COP1: variants seen among roughly 807,000 people sequenced by gnomAD.
COP1 encodes the protein COP1 E3 ubiquitin ligase.
Under a neutral mutation model 101.3 loss-of-function variants are expected in COP1, and 24 were observed. The observed-to-expected ratio is 0.24, with a 90% CI of 0.17 to 0.33. The LOEUF (loss-of-function observed/expected upper bound fraction) is 0.33. COP1 is among the 10% of genes least tolerant of loss of function. The pLI is 1.00. For missense variants in COP1, 663 were observed against 906.2 expected (o/e 0.73, Z 3.45); for synonymous variants, 347 against 341.9 (o/e 1.01, Z -0.17).
intron 2 of COP1, among the ~76,000 whole-genome samples, chr1:176,178,985 G>A (rs1697359100): frequency 6.8e-6 from 1 of 146,636 alleles, no homozygotes; most frequent in Admixed American, 6.8e-5. Context: ...TTTTTTTTTA[G>A]TTTTTTTTTT....
intron 1 of COP1, among the ~76,000 whole-genome samples, chr1:176,198,626 GA>G (rs1699951682): frequency 6.6e-6 from 1 of 151,442 alleles, no homozygotes; most frequent in Non-Finnish European, 1.5e-5. Context: ...CGATACATTA[GA>G]AAAAAGAAAA....
intron 8 of COP1, among the ~76,000 whole-genome samples, chr1:176,125,792 A>C (rs1687894265): frequency 6.6e-6 from 1 of 151,962 alleles, no homozygotes; most frequent in South Asian, 2.1e-4. Context: ...AGTGATTGCA[A>C]TGTATCTGTA....
chr1:175,945,967 C>T (rs547795322), intron 19 of COP1, among the ~76,000 whole-genome samples: 2 of 152,282 alleles, frequency 1.3e-5, no homozygotes, highest in African/African-American at 4.8e-5. Flanking sequence ...TTAGATTTGT[C>T]AGTGGGATCC....
intron 18 of COP1, among the ~76,000 whole-genome samples, chr1:175,955,527 C>T (rs1650517110): frequency 6.6e-6 from 1 of 151,960 alleles, no homozygotes; most frequent in African/African-American, 2.4e-5. Flanking sequence ...GCATATGGAT[C>T]TGAAAAAAGA....
chr1:176,205,059 G>A (rs537898199), intron 1 of COP1, among the ~76,000 whole-genome samples: 3 of 152,328 alleles, frequency 2.0e-5, no homozygotes, highest in African/African-American at 4.8e-5. Flanking sequence ...GACAATGATC[G>A]ATTCCTTATT....
intron 14 of COP1, among the ~76,000 whole-genome samples, chr1:176,038,630 C>T (rs143451628): frequency 5.9e-4 from 90 of 152,108 alleles, no homozygotes; most frequent in African/African-American, 2.0e-3. Flanking sequence ...CCAGCCTGAC[C>T]AATATGGTGA....
intron 9 of COP1, among the ~76,000 whole-genome samples, chr1:176,092,282 A>T (rs1270761400): frequency 6.6e-6 from 1 of 152,166 alleles, no homozygotes; most frequent in Non-Finnish European, 1.5e-5. Flanking sequence ...ACATTTACAA[A>T]AACTGACCAT....
chr1:176,006,954 G>A (rs887727603), intron 15 of COP1, among the ~76,000 whole-genome samples: 15 of 152,058 alleles, frequency 9.9e-5, no homozygotes, highest in African/African-American at 3.4e-4. Flanking sequence ...TTTCCAACTT[G>A]GTTCCATTCT....
intron 10 of COP1, among the ~76,000 whole-genome samples, chr1:176,084,778 T>C (rs1477836663): frequency 6.6e-6 from 1 of 152,156 alleles, no homozygotes; most frequent in Admixed American, 6.5e-5. Context: ...ATATGTAGAT[T>C]ATAAATAATA....
intron 2 of COP1, among the ~76,000 whole-genome samples, chr1:176,182,993 T>C (rs563178308): frequency 6.6e-5 from 10 of 152,344 alleles, no homozygotes; most frequent in African/African-American, 2.4e-4. Context: ...ACATTTGTAT[T>C]TTATATTACA....
In COP1 at chr1:176,151,333, AAGAAGGAAGG is replaced by A. The variant is rs1379144899; in HGVS notation, c.763-2269_763-2260del. Among the ~76,000 whole-genome samples the A allele has an allele frequency of 1.6e-3, 226 of 145,318 alleles. 1 individual carries two copies. The highest frequency in any genetic ancestry group is 0.01 in the South Asian group (43 of 4,276). Reference sequence around the variant, plus strand: ...AGAGAAAGAAAGAAGGAAAGAAAGAAAGAAGGAAGGAAAGAAAGAAAAAGAAAGAAAGAAA... The same window carrying A: ...AGAGAAAGAAAGAAGGAAAGAAAGAAAAAGAAAGAAAAAGAAAGAAAGAAA... On this transcript the variant is annotated intron_variant, in intron 5 of 19. Transcript: ENST00000367669.
intron 9 of COP1, among the ~76,000 whole-genome samples, chr1:176,114,672 C>T (rs1263189018): frequency 6.6e-6 from 1 of 151,930 alleles, no homozygotes. Flanking sequence ...ACTATAACCA[C>T]GGCCTCCTGG....
chr1:176,147,355 T>G (rs1691724212), intron 6 of COP1, among the ~76,000 whole-genome samples: 1 of 152,184 alleles, frequency 6.6e-6, no homozygotes, highest in Non-Finnish European at 1.5e-5. Flanking sequence ...TCAAGAAATT[T>G]AATCAAAGTA....
intron 11 of COP1, among the ~76,000 whole-genome samples, chr1:176,073,791 G>A (rs1677443994): frequency 6.6e-6 from 1 of 152,178 alleles, no homozygotes; most frequent in Non-Finnish European, 1.5e-5. Flanking sequence ...AGAAAAATAC[G>A]TTTCTGGTTC....
chr1:176,124,681 A>T (rs1687729054), intron 8 of COP1, among the ~76,000 whole-genome samples: 1 of 152,188 alleles, frequency 6.6e-6, no homozygotes, highest in Admixed American at 6.5e-5. Context: ...TGATGGACAC[A>T]CAGGTTACTT....
intron 15 of COP1, among the ~76,000 whole-genome samples, chr1:175,992,637 C>T (rs1213534239): frequency 2.0e-5 from 3 of 152,238 alleles, no homozygotes; most frequent in East Asian, 3.8e-4. Context: ...CGGAGTCTCG[C>T]TGACTGCAAG....
intron 11 of COP1, among the ~76,000 whole-genome samples, chr1:176,070,005 A>G (rs1676679033): frequency 1.3e-5 from 2 of 152,192 alleles, no homozygotes; most frequent in Admixed American, 1.3e-4. Flanking sequence ...ACTAGCTGCA[A>G]AAGTTTCCAA....
intron 8 of COP1, among the ~76,000 whole-genome samples, chr1:176,122,943 CA>C (rs531141786): frequency 6.6e-6 from 1 of 152,000 alleles, no homozygotes; most frequent in Non-Finnish European, 1.5e-5. Context: ...CAAAAATAGA[CA>C]AAAATAAGCT....
At chr1:176,027,201 T>C (rs1467907727) in intron 15 of COP1, among the ~76,000 whole-genome samples, 2 of 152,258 alleles carry the variant, frequency 1.3e-5, no homozygotes, top group Non-Finnish European at 2.9e-5. Context: ...GTTGAAAGAA[T>C]AGTTTGCCTT....
Sources: allele counts gnomAD v4.1 joint callset (sites outside exome capture counted in the v4.1 genomes callset), GRCh38; gene constraint gnomAD v4.1.1; transcripts MANE v1.5; gene names NCBI Gene and HGNC (gene_info 2026-07-23, HGNC 2026-07-21).